Variants in PTCD3 observed in about 807,000 individuals in gnomAD.
PTCD3 encodes small ribosomal subunit protein mS39.
In PTCD3, 89 loss-of-function variants were observed where a neutral mutation model predicts 101.9. The ratio of observed to expected loss-of-function variants is 0.87; its 90% confidence interval spans 0.74 to 1.04. The LOEUF (loss-of-function observed/expected upper bound fraction) is 1.04. Ranked by LOEUF, PTCD3 falls within the 50% of genes least tolerant of loss-of-function variation. The pLI, the probability that PTCD3 is intolerant of heterozygous loss-of-function variation, is 0.00. For synonymous variants in PTCD3, 296 were observed against 278.5 expected (o/e 1.06, Z -0.63); for missense variants, 870 against 828.2 (o/e 1.05, Z -0.62).
chr2:86,119,187 A>G (rs976730588), intron 7 of PTCD3, 143 bp downstream of exon 7: 5 of 1,033,574 alleles, frequency 4.8e-6, no homozygotes, highest in Non-Finnish European at 6.9e-6. Flanking sequence ...TATTTTTAGT[A>G]GTTTATTTCA....
chr2:86,123,261 T>TAA (rs3077184), intron 8 of PTCD3, among the ~76,000 whole-genome samples: 80 of 142,086 alleles, frequency 5.6e-4, no homozygotes, highest in African/African-American at 1.9e-3. Context: ...GACTCTGTCT[T>TAA]AAAAAAAAAA....
intron 20 of PTCD3, among the ~76,000 whole-genome samples, chr2:86,134,591 C>T (rs563613607): frequency 6.6e-6 from 1 of 152,304 alleles, no homozygotes; most frequent in East Asian, 1.9e-4. Context: ...AAATTAGCTT[C>T]TGTCTTCAGC....
chr2:86,114,451 G>A lies in PTCD3; in HGVS notation c.241-2079G>A, dbSNP rs973185254. 4.6e-5 allele frequency among the ~76,000 whole-genome samples: 7 copies of A among 152,156 alleles called. No homozygotes were observed. The South Asian group carries it at 1.0e-3, about 23-fold the overall frequency. On this transcript the variant is annotated intron_variant, in intron 4 of 23. Transcript: ENST00000254630. ...TACAGGCGCCCCCACCCCCACGCCC[G>A]GCTAATTTTTGTATTTTTAGTAGAG...
Position 86,140,662 on chromosome 2 carries a change from A to C in PTCD3, c.*3103A>C, listed in dbSNP as rs1160917483. On this transcript the variant is annotated 3_prime_UTR_variant, in exon 24 of 24. Transcript: ENST00000254630. ...TTAATGGTAGAGTGGCATTTTACCA[A>C]AAAAATGGGTGTATTTGATTTGGGT... 1 of 152,124 alleles carries C rather than the reference A, an allele frequency of 6.6e-6. No individual in the cohort carries two copies. Among genetic ancestry groups the C allele is most frequent in the Non-Finnish European group, 1.5e-5 (1 of 68,024 alleles). The allele number at this position is 152,124 out of a possible 1,614,324, so 9.4% of individuals were successfully genotyped here.
In PTCD3 at chr2:86,133,440, A is replaced by G. The variant is rs1450970028; in HGVS notation, c.1543+4A>G. 3.7e-6 allele frequency: 6 copies of G among 1,605,694 alleles called. No individual in the cohort carries two copies. The highest frequency in any genetic ancestry group is 5.1e-6 in the Non-Finnish European group (6 of 1,172,532). ...GTGATTCCTAAAATTTGGAAAGGTCAGTTTTACTTTTTATGTGTCCAGGTG... is the reference window on the plus strand; with the variant it reads ...GTGATTCCTAAAATTTGGAAAGGTCGGTTTTACTTTTTATGTGTCCAGGTG... On this transcript the variant is annotated splice_donor_region_variant and intron_variant, in intron 19 of 23. Coordinates refer to ENST00000254630, the MANE Select transcript of PTCD3 (RefSeq NM_017952.6).
chr2:86,116,750 A>T, intron 5 of PTCD3, 152 bp downstream of exon 5: 2 of 680,432 alleles, frequency 2.9e-6, no homozygotes, highest in Non-Finnish European at 5.0e-6. Context: ...CTTCAAAAAG[A>T]TGTACATATC....
rs141492048 is a variant in PTCD3 at position 86,107,826 on chromosome 2, C to T, written c.105-524C>T. On this transcript the variant is annotated intron_variant, in intron 1 of 23. Coordinates refer to ENST00000254630, the MANE Select transcript of PTCD3 (RefSeq NM_017952.6). ...GGCAGTATCTGTATAGAAGCAAGAG[C>T]TCACTGAATTGTTCTTTTAAACATC... Among the ~76,000 whole-genome samples the T allele has an allele frequency of 4.2e-3, 642 of 152,316 alleles. 5 individuals are homozygous for T. Among genetic ancestry groups the T allele is most frequent in the African/African-American group, 0.014 (582 of 41,552 alleles).
At position 86,106,326 on chromosome 2, in the gene PTCD3, T is replaced by C. The variant is rs762460625; in HGVS notation, c.79T>C (p.Leu27=). The C allele has an allele frequency of 6.2e-7, 1 of 1,613,964 alleles. No individual in the cohort carries two copies. The highest frequency in any genetic ancestry group is 1.7e-5 in the Admixed American group (1 of 60,002). The stretch of plus-strand genomic sequence containing the variant: ...GCCGCTGACGGGTCGGCGGGCGGGT[T>C]TGTGTGAACAGGCACGCAGCTGCAG... The part of the protein sequence containing the change: ...GQPLTGRRAG[L]CEQARSCRFY... The change falls in exon 1 of 24, where the codon TTG becomes CTG. Residue 27 remains leucine (L), a synonymous_variant. Transcript: ENST00000254630.
chr2:86,128,204 T>C (rs984511427), intron 14 of PTCD3, among the ~76,000 whole-genome samples: 6 of 151,490 alleles, frequency 4.0e-5, no homozygotes, highest in African/African-American at 1.5e-4. Flanking sequence ...CAAACAGTCC[T>C]CCCTCCTCAG....
rs377239979 is a variant in PTCD3 at position 86,108,487 on chromosome 2, T to C, written c.158-13T>C. ...TACTAGGAAACTGATTCATGTTTTC[T>C]TTTTTACATTAGGGATTGAAGAAGT... On this transcript the variant is annotated splice_polypyrimidine_tract_variant and intron_variant, in intron 2 of 23. Transcript: ENST00000254630. The C allele has an allele frequency of 1.5e-4, 242 of 1,591,696 alleles. No homozygotes were observed. Among genetic ancestry groups the C allele is most frequent in the Non-Finnish European group, 2.0e-4 (235 of 1,173,752 alleles).
chr2:86,120,698 C>T (rs112319992), intron 7 of PTCD3, among the ~76,000 whole-genome samples: 2 of 152,246 alleles, frequency 1.3e-5, no homozygotes, highest in African/African-American at 4.8e-5. Context: ...AGTTCAAGAC[C>T]AGCCTGGGCA....
chr2:86,141,805 A>C lies in PTCD3; in HGVS notation c.*4246A>C, dbSNP rs1674690353. ...CGTGTGACTTTTCACTTGCAGTTTA[A>C]ATGAAAGGGTGAAGAGAAGCCTACC... On this transcript the variant is annotated 3_prime_UTR_variant, in exon 24 of 24. Coordinates refer to ENST00000254630, the MANE Select transcript of PTCD3 (RefSeq NM_017952.6). The C allele has an allele frequency of 6.6e-6, 1 of 152,136 alleles. No homozygotes were observed. The highest frequency in any genetic ancestry group is 2.4e-5 in the African/African-American group (1 of 41,412). The allele number at this position is 152,136 out of a possible 1,614,324, so 9.4% of individuals were successfully genotyped here. A position where few individuals can be genotyped will look rare whatever the true frequency, so the allele number is the denominator to read the frequency against.
intron 4 of PTCD3, among the ~76,000 whole-genome samples, chr2:86,114,769 T>TC (rs1407310995): frequency 6.6e-6 from 1 of 152,112 alleles, no homozygotes; most frequent in Non-Finnish European, 1.5e-5. Context: ...CCGTGACCAC[T>TC]CCCAGGCTAA....
chr2:86,110,024 G>A (rs1240208254), intron 3 of PTCD3, among the ~76,000 whole-genome samples: 2 of 152,166 alleles, frequency 1.3e-5, no homozygotes, highest in South Asian at 2.1e-4. Context: ...TTAGGTTAAC[G>A]TGTAATGTTC....
In PTCD3 at chr2:86,110,931, A is replaced by G. The variant is rs1477452263; in HGVS notation, c.195-182A>G. ...CAGGCAAAGAGAGGAACATGTACCA[A>G]CTAGGGGAAAGAACCAGCAGTTTTC... On this transcript the variant is annotated intron_variant, in intron 3 of 23. Coordinates refer to ENST00000254630, the MANE Select transcript of PTCD3 (RefSeq NM_017952.6). The G allele has an allele frequency of 1.5e-5, 11 of 750,916 alleles. No individual in the cohort carries two copies. The African/African-American group carries it at 1.7e-4, about 12-fold the overall frequency. 46.5% of individuals were successfully genotyped at this position (750,916 alleles called of 1,614,324 possible).
chr2:86,133,581 T>C, intron 19 of PTCD3, 145 bp downstream of exon 19: 1 of 844,186 alleles, frequency 1.2e-6, no homozygotes, highest in Non-Finnish European at 1.8e-6. Context: ...TTCAAGGTCA[T>C]GTGCTCATGT....
chr2:86,125,315 C>T, intron 10 of PTCD3, 140 bp from the exon 11 acceptor site: 5 of 1,084,252 alleles, frequency 4.6e-6, no homozygotes, highest in Admixed American at 2.4e-5. Context: ...TAGAAAATCC[C>T]ACTGCACTAG....
intron 23 of PTCD3, 36 bp downstream of exon 23, chr2:86,137,176 G>T (rs1394109507): frequency 6.5e-7 from 1 of 1,531,764 alleles, no homozygotes. Flanking sequence ...TTGTAAAATG[G>T]AGACCTTTCA....
intron 3 of PTCD3, among the ~76,000 whole-genome samples, chr2:86,110,543 C>G (rs1674058769): frequency 6.6e-6 from 1 of 152,192 alleles, no homozygotes; most frequent in Admixed American, 6.5e-5. Context: ...GTAAAGGTCT[C>G]TACTCAGAGG....
Sources: gnomAD v4.1 joint callset for allele counts (sites outside exome capture counted in the v4.1 genomes callset) on GRCh38, gnomAD v4.1.1 for gene constraint, MANE v1.5 for transcripts, NCBI Gene and HGNC (gene_info 2026-07-23, HGNC 2026-07-21) for gene names.